LINGO2: variants seen among roughly 807,000 people sequenced by gnomAD.
LINGO2 encodes the protein leucine-rich repeat and immunoglobulin-like domain-containing nogo receptor-interacting protein 2.
In LINGO2, 14 loss-of-function variants were observed where a neutral mutation model predicts 30.6. The observed-to-expected ratio is 0.46, with a 90% CI of 0.30 to 0.72. The LOEUF (loss-of-function observed/expected upper bound fraction) is 0.72, where lower values mean the gene tolerates loss of function less well. Ranked by LOEUF, LINGO2 falls within the 30% of genes least tolerant of loss-of-function variation. The pLI, the probability that LINGO2 is intolerant of heterozygous loss-of-function variation, is 0.07. For synonymous variants in LINGO2, 317 were observed against 288.5 expected, an observed-to-expected ratio of 1.10 and a Z score of -1.00; for missense variants, 729 against 751.7, an observed-to-expected ratio of 0.97 and a Z score of 0.35.
chr9:28,206,785 T>G (rs1369803740), intron 4 of LINGO2, among the ~76,000 whole-genome samples: 3 of 152,212 alleles, frequency 2.0e-5, no homozygotes, highest in Non-Finnish European at 4.4e-5. Flanking sequence ...TAATGTAATC[T>G]CTTTCAACGT....
At chr9:29,205,982 G>A in the LINGO2 span, among the ~76,000 whole-genome samples, 3 of 152,070 alleles carry the variant, frequency 2.0e-5, no homozygotes, top group African/African-American at 7.2e-5. Flanking sequence ...ATATCACATG[G>A]TGTTTTTTGT....
At chr9:28,610,809 C>T (rs1196903353) in intron 1 of LINGO2, among the ~76,000 whole-genome samples, 2 of 152,172 alleles carry the variant, frequency 1.3e-5, no homozygotes, top group African/African-American at 4.8e-5. Flanking sequence ...TTTGGGTGAA[C>T]TCTAAAATGG....
At chr9:28,405,784 A>G (rs895089085) in intron 2 of LINGO2, among the ~76,000 whole-genome samples, 14 of 152,158 alleles carry the variant, frequency 9.2e-5, no homozygotes, top group Non-Finnish European at 2.1e-4. Flanking sequence ...CCTTCTCTTC[A>G]TTTCCCACCT....
the LINGO2 span, among the ~76,000 whole-genome samples, chr9:28,714,198 C>CACACACACACACAT: frequency 1.2e-4 from 8 of 64,252 alleles, no homozygotes; most frequent in African/African-American, 6.0e-4. Flanking sequence ...TACACACATA[C>CACACACACACACAT]ACACACACAC....
the LINGO2 span, among the ~76,000 whole-genome samples, chr9:29,136,940 T>C: frequency 1.3e-4 from 20 of 151,720 alleles, no homozygotes; most frequent in African/African-American, 4.6e-4. Context: ...ATGAATGATA[T>C]AGTTATATAC....
intron 4 of LINGO2, among the ~76,000 whole-genome samples, chr9:28,167,307 C>T (rs574692482): frequency 1.2e-3 from 3 of 2,460 alleles, no homozygotes; most frequent in Non-Finnish European, 0.026. Flanking sequence ...ATAAATTCTA[C>T]GTGATCCTCC....
intron 1 of LINGO2, among the ~76,000 whole-genome samples, chr9:28,661,133 A>G (rs1176634011): frequency 6.6e-6 from 1 of 151,184 alleles, no homozygotes; most frequent in East Asian, 1.9e-4. Context: ...TTTGACCAAT[A>G]AGATGCAGAA....
At chr9:28,326,228 A>G (rs1825224023) in intron 3 of LINGO2, among the ~76,000 whole-genome samples, 1 of 152,124 alleles carries the variant, frequency 6.6e-6, no homozygotes, top group Non-Finnish European at 1.5e-5. Flanking sequence ...GCTGGTCTGT[A>G]ACTCCTGACC....
chr9:27,965,582 T>C (rs1451273968), intron 5 of LINGO2, among the ~76,000 whole-genome samples: 1 of 152,108 alleles, frequency 6.6e-6, no homozygotes, highest in Non-Finnish European at 1.5e-5. Flanking sequence ...GCAAAGCTTG[T>C]CCTAAGTCAT....
At chr9:28,010,455 C>T (rs1264715527) in intron 5 of LINGO2, among the ~76,000 whole-genome samples, 4 of 152,014 alleles carry the variant, frequency 2.6e-5, no homozygotes, top group Non-Finnish European at 4.4e-5. Context: ...CATTATAATC[C>T]CTCCTTTTTG....
At chr9:29,058,620 C>G in the LINGO2 span, among the ~76,000 whole-genome samples, 1 of 151,340 alleles carries the variant, frequency 6.6e-6, no homozygotes, top group Non-Finnish European at 1.5e-5. Flanking sequence ...TAAGTCACAA[C>G]AAGGATCAAG....
chr9:28,033,485 G>C (rs1364376332), intron 4 of LINGO2, among the ~76,000 whole-genome samples: 1 of 152,122 alleles, frequency 6.6e-6, no homozygotes, highest in Non-Finnish European at 1.5e-5. Flanking sequence ...TTAGTTGGTG[G>C]GAAGGGGAGG....
chr9:28,652,037 C>G (rs1440692494), intron 1 of LINGO2, among the ~76,000 whole-genome samples: 2 of 152,126 alleles, frequency 1.3e-5, no homozygotes, highest in Non-Finnish European at 2.9e-5. Flanking sequence ...TACCTTTGTC[C>G]TTTATTATCA....
intron 4 of LINGO2, among the ~76,000 whole-genome samples, chr9:28,089,210 T>G (rs1193931114): frequency 6.6e-6 from 1 of 152,012 alleles, no homozygotes; most frequent in Non-Finnish European, 1.5e-5. Context: ...CTGCATCAAG[T>G]GGACCTAATA....
In LINGO2 at chr9:28,327,511, G is replaced by A. The variant is rs78360363; in HGVS notation, c.-245-32145C>T. On this transcript the variant is annotated intron_variant, in intron 3 of 5. Transcript: ENST00000379992. Reference sequence around the variant, plus strand: ...ATCTACTTCTAAGCTTAGTCCAACAGCAGTTCTCCCTTAGGGGGAGTGTGG... The same window carrying A: ...ATCTACTTCTAAGCTTAGTCCAACAACAGTTCTCCCTTAGGGGGAGTGTGG... Among the ~76,000 whole-genome samples, 533 of 152,296 alleles carry A rather than the reference G, an allele frequency of 3.5e-3. 6 individuals carry two copies. Among genetic ancestry groups the A allele is most frequent in the African/African-American group, 0.012 (507 of 41,554 alleles).
chr9:28,451,586 T>C (rs914770294), intron 2 of LINGO2, among the ~76,000 whole-genome samples: 10 of 151,776 alleles, frequency 6.6e-5, no homozygotes, highest in Admixed American at 6.6e-5. Context: ...ATGTTCTTAG[T>C]GTATTTTTAA....
the LINGO2 span, among the ~76,000 whole-genome samples, chr9:28,879,559 C>A: frequency 6.6e-6 from 1 of 152,004 alleles, no homozygotes; most frequent in Admixed American, 6.6e-5. Flanking sequence ...CCTTTTTTTC[C>A]AGTCATTCTC....
At chr9:28,613,916 C>T (rs546438803) in intron 1 of LINGO2, among the ~76,000 whole-genome samples, 3 of 151,522 alleles carry the variant, frequency 2.0e-5, no homozygotes, top group Non-Finnish European at 2.9e-5. Flanking sequence ...TGAATGGATA[C>T]CCAACTTTGA....
At chr9:28,839,330 C>A in the LINGO2 span, among the ~76,000 whole-genome samples, 2 of 152,096 alleles carry the variant, frequency 1.3e-5, no homozygotes, top group Admixed American at 1.3e-4. Context: ...CTTTATTGAG[C>A]AACAGTACAA....
Sources: gnomAD v4.1 joint callset for allele counts (sites outside exome capture counted in the v4.1 genomes callset) on GRCh38, gnomAD v4.1.1 for gene constraint, MANE v1.5 for transcripts, NCBI Gene and HGNC (gene_info 2026-07-23, HGNC 2026-07-21) for gene names.